PARD3: variants seen among roughly 807,000 people sequenced by gnomAD.
PARD3 encodes par-3 family cell polarity regulator.
Under a neutral mutation model 155.4 loss-of-function variants are expected in PARD3, and 75 were observed. The ratio of observed to expected loss-of-function variants is 0.48; its 90% confidence interval spans 0.40 to 0.58. PARD3 has a LOEUF of 0.58. Among genes scored for constraint, PARD3 ranks in the 20% least tolerant of loss-of-function variants. PARD3 has a pLI of 0.00. For synonymous variants in PARD3, 576 were observed against 610.5 expected (o/e 0.94, Z 0.83); for missense variants, 1,642 against 1,721.7 (o/e 0.95, Z 0.82).
At chr10:34,791,171 T>C (rs930478323) in intron 1 of PARD3, among the ~76,000 whole-genome samples, 1 of 152,182 alleles carries the variant, frequency 6.6e-6, no homozygotes, top group African/African-American at 2.4e-5. Flanking sequence ...CTGTGTAACA[T>C]TCTACACTGC....
chr10:34,372,374 C>T (rs912764666), intron 12 of PARD3, 124 bp downstream of exon 12: 6 of 748,534 alleles, frequency 8.0e-6, no homozygotes, highest in Middle Eastern at 2.4e-4. Flanking sequence ...ATTTAATAAA[C>T]CCATGTATTA....
intron 19 of PARD3, among the ~76,000 whole-genome samples, chr10:34,324,770 T>G (rs544671513): frequency 7.1e-6 from 1 of 140,518 alleles, no homozygotes; most frequent in African/African-American, 3.3e-5. Flanking sequence ...AGAAATCACA[T>G]CATCATCATC....
chr10:34,473,307 C>T (rs1358556847), intron 3 of PARD3, among the ~76,000 whole-genome samples: 4 of 152,128 alleles, frequency 2.6e-5, no homozygotes, highest in East Asian at 1.9e-4. Flanking sequence ...TCAGGTGCCA[C>T]GTTTACATTT....
chr10:34,531,732 T>C (rs541734652), intron 2 of PARD3, among the ~76,000 whole-genome samples: 56 of 152,332 alleles, frequency 3.7e-4, no homozygotes, highest in African/African-American at 1.3e-3. Flanking sequence ...ATCAACTCTT[T>C]GTTCTAATGT....
Position 34,269,715 on chromosome 10 carries a change from C to A in PARD3, c.3361G>T (p.Asp1121Tyr), listed in dbSNP as rs1955520132. 1 of 1,614,012 alleles carries A rather than the reference C, an allele frequency of 6.2e-7. No homozygotes were observed. The highest frequency in any genetic ancestry group is 8.5e-7 in the Non-Finnish European group (1 of 1,179,946). The change falls in exon 22 of 25, where the codon GAT becomes TAT. Residue 1121 changes from aspartate to tyrosine, a missense_variant. Physicochemically the swap from Asp to Tyr is radical, Grantham distance 160. Around this residue, in one of 3 missense-constraint regions of PARD3, gnomAD observed 1,529 missense variants for 1,587.3 expected, o/e 0.96. Transcript: ENST00000374788. ...TTCTTGACTTGGGCATACAAAGCAT[C>A]CATCATATGCCCTTCTCGTGGGCTC... ...PQSPREGHMM[D>Y]ALYAQVKKPR...
At chr10:34,711,118 G>C (rs920512168) in intron 1 of PARD3, among the ~76,000 whole-genome samples, 5 of 152,078 alleles carry the variant, frequency 3.3e-5, no homozygotes, top group African/African-American at 1.2e-4. Flanking sequence ...CAAGGCAGCT[G>C]ATGAACTAAG....
At chr10:34,477,733 A>G (rs948601216) in intron 3 of PARD3, among the ~76,000 whole-genome samples, 2 of 152,260 alleles carry the variant, frequency 1.3e-5, no homozygotes, top group Non-Finnish European at 2.9e-5. Flanking sequence ...AAGGCAATGA[A>G]TAAAACTCTG....
intron 4 of PARD3, among the ~76,000 whole-genome samples, chr10:34,454,125 AT>A (rs1481026078): frequency 6.6e-6 from 1 of 152,134 alleles, no homozygotes; most frequent in Non-Finnish European, 1.5e-5. Flanking sequence ...CTATCAACAT[AT>A]TTGTTATATT....
Position 34,450,373 on chromosome 10 carries a change from A to G in PARD3, c.658T>C (p.Ser220Pro). The G allele has an allele frequency of 6.2e-7, 1 of 1,613,994 alleles. No individual in the cohort carries two copies. Among genetic ancestry groups the G allele is most frequent in the Non-Finnish European group, 8.5e-7 (1 of 1,179,866 alleles). The change falls in exon 5 of 25, where the codon TCG becomes CCG. Residue 220 changes from serine to proline, a missense_variant. Ser to Pro is a moderately conservative substitution (Grantham distance 74). Around this residue, in one of 3 missense-constraint regions of PARD3, gnomAD observed 1,529 missense variants for 1,587.3 expected, o/e 0.96. Transcript: ENST00000374788. Reference protein sequence around the residue: ...SNQFQRDNARSSLSASHPMVG... With the variant: ...SNQFQRDNARPSLSASHPMVG... ...ATTGGGTGACTGGCACTCAGAGACG[A>G]GCGAGCATTGTCTCTCTGAAATTGG...
intron 2 of PARD3, among the ~76,000 whole-genome samples, chr10:34,576,135 C>G (rs185732777): frequency 1.2e-4 from 19 of 152,288 alleles, no homozygotes; most frequent in East Asian, 7.7e-4. Context: ...AGCCCTCCCC[C>G]ACAAAGTCTC....
At chr10:34,630,443 C>CTT (rs755155387) in intron 2 of PARD3, among the ~76,000 whole-genome samples, 34 of 139,306 alleles carry the variant, frequency 2.4e-4, no homozygotes, top group African/African-American at 5.6e-4. Context: ...CCCTCTCTCT[C>CTT]TTTTTTTTTT....
intron 22 of PARD3, among the ~76,000 whole-genome samples, chr10:34,150,534 G>A (rs1392228181): frequency 2.0e-5 from 3 of 152,150 alleles, no homozygotes; most frequent in Non-Finnish European, 4.4e-5. Context: ...TCATGAAGTC[G>A]GGATCTCGTG....
At chr10:34,366,190 C>T (rs1839951089) in intron 12 of PARD3, among the ~76,000 whole-genome samples, 1 of 152,094 alleles carries the variant, frequency 6.6e-6, no homozygotes, top group Non-Finnish European at 1.5e-5. Flanking sequence ...ATGATTTTTC[C>T]ACTTTTGATG....
chr10:34,347,237 C>T (rs1264855822), intron 15 of PARD3, among the ~76,000 whole-genome samples: 1 of 152,204 alleles, frequency 6.6e-6, no homozygotes, highest in African/African-American at 2.4e-5. Flanking sequence ...AAAACTCTCA[C>T]AAGCTAATCG....
intron 2 of PARD3, among the ~76,000 whole-genome samples, chr10:34,688,820 C>T (rs904670800): frequency 6.6e-6 from 1 of 152,084 alleles, no homozygotes; most frequent in Non-Finnish European, 1.5e-5. Context: ...TTTTCTTTTG[C>T]TATCATTTAA....
chr10:34,140,348 T>C (rs1489805512), intron 22 of PARD3, among the ~76,000 whole-genome samples: 3 of 152,336 alleles, frequency 2.0e-5, no homozygotes, highest in African/African-American at 4.8e-5. Context: ...AAATAGTAAA[T>C]TGATGTCACC....
chr10:34,596,420 C>T (rs775218283), intron 2 of PARD3, among the ~76,000 whole-genome samples: 1 of 152,130 alleles, frequency 6.6e-6, no homozygotes, highest in African/African-American at 2.4e-5. Flanking sequence ...CAATTCCACA[C>T]GGCTAGGGAG....
At chr10:34,684,802 C>G (rs924033159) in intron 2 of PARD3, among the ~76,000 whole-genome samples, 5 of 122,558 alleles carry the variant, frequency 4.1e-5, no homozygotes, top group African/African-American at 2.0e-4. Flanking sequence ...CACACACACA[C>G]ACACACACAC....
At chr10:34,768,675 A>G (rs1437038834) in intron 1 of PARD3, among the ~76,000 whole-genome samples, 1 of 151,916 alleles carries the variant, frequency 6.6e-6, no homozygotes, top group African/African-American at 2.4e-5. Flanking sequence ...ATTACTCAAC[A>G]CTCTGAGGGT....
Sources: allele counts gnomAD v4.1 joint callset (sites outside exome capture counted in the v4.1 genomes callset), GRCh38; gene constraint gnomAD v4.1.1; regional missense constraint gnomAD v4.1.1; transcripts MANE v1.5; gene names NCBI Gene and HGNC (gene_info 2026-07-23, HGNC 2026-07-21).